Variants in SLC35F4 observed in about 807,000 individuals in gnomAD.
SLC35F4 encodes chromosome 14 open reading frame 36.
In SLC35F4, 24 loss-of-function variants were observed where a neutral mutation model predicts 44.2. The ratio of observed to expected loss-of-function variants is 0.54; its 90% CI spans 0.39 to 0.76. SLC35F4 has a LOEUF of 0.76. SLC35F4 is among the 30% of genes least tolerant of loss of function. The pLI is 0.00. For missense variants in SLC35F4, 562 were observed against 586.1 expected (o/e 0.96, Z 0.42); for synonymous variants, 238 against 223.6 (o/e 1.06, Z -0.57).
chr14:57,638,649 G>T (rs565635656), intron 1 of SLC35F4, among the ~76,000 whole-genome samples: 44 of 152,222 alleles, frequency 2.9e-4, no homozygotes, highest in African/African-American at 1.0e-3. Context: ...CAGTCGACAT[G>T]TGTTTTATAG....
intron 1 of SLC35F4, among the ~76,000 whole-genome samples, chr14:57,698,692 C>A (rs1297009875): frequency 6.7e-6 from 1 of 150,210 alleles, no homozygotes; most frequent in Non-Finnish European, 1.5e-5. Context: ...GGCTGGAGTG[C>A]AGTGGCATGA....
chr14:57,969,239 C>G (rs772652169), intron 1 of SLC35F4, among the ~76,000 whole-genome samples: 4 of 152,138 alleles, frequency 2.6e-5, no homozygotes, highest in Non-Finnish European at 4.4e-5. Flanking sequence ...AAAGGTTTTA[C>G]CACAACCTTA....
In SLC35F4 at chr14:57,648,561, A is replaced by G. The variant is rs75863126; in HGVS notation, c.104-54437T>C. On this transcript the variant is annotated intron_variant, in intron 1 of 7. Transcript: ENST00000556826. ...GCAGTGAATTACTAGTGGCTGTTTC[A>G]AGAATAAGCTTGAGAGGCTTCTCTG... Among the ~76,000 whole-genome samples, 707 of 152,306 alleles carry G rather than the reference A, an allele frequency of 4.6e-3. 13 individuals are homozygous for G. In the East Asian group the frequency reaches 0.07, roughly 15 times the overall value.
At chr14:57,624,070 A>C (rs1432995953) in intron 1 of SLC35F4, among the ~76,000 whole-genome samples, 1 of 152,200 alleles carries the variant, frequency 6.6e-6, no homozygotes, top group African/African-American at 2.4e-5. Context: ...AATAAAGAAG[A>C]AAAGAGAGGA....
intron 1 of SLC35F4, among the ~76,000 whole-genome samples, chr14:57,719,737 TA>T (rs2076036759): frequency 6.6e-6 from 1 of 152,188 alleles, no homozygotes; most frequent in African/African-American, 2.4e-5. Context: ...TTTCCAAATA[TA>T]AGATGGTAGC....
chr14:57,754,849 C>T (rs1289850910), intron 1 of SLC35F4, among the ~76,000 whole-genome samples: 7 of 152,226 alleles, frequency 4.6e-5, no homozygotes, highest in Non-Finnish European at 8.8e-5. Flanking sequence ...GACTGATCAG[C>T]AGTGTGTCCT....
chr14:57,739,970 C>T (rs145639135), intron 1 of SLC35F4, among the ~76,000 whole-genome samples: 5,360 of 152,218 alleles, frequency 0.035, 92 homozygotes, highest in Middle Eastern at 0.041. Flanking sequence ...AGCAATTCTC[C>T]TGCCTCAGCC....
intron 2 of SLC35F4, among the ~76,000 whole-genome samples, chr14:57,593,494 G>C (rs1167486555): frequency 6.6e-6 from 1 of 152,064 alleles, no homozygotes; most frequent in Non-Finnish European, 1.5e-5. Context: ...TATGAAACTG[G>C]GAATACTAAA....
intron 1 of SLC35F4, among the ~76,000 whole-genome samples, chr14:57,687,925 T>C (rs1381864850): frequency 1.3e-5 from 2 of 152,194 alleles, no homozygotes; most frequent in African/African-American, 4.8e-5. Flanking sequence ...CAGGTTAAAA[T>C]TGTGGTACTG....
At chr14:57,606,483 C>T (rs1431630608) in intron 1 of SLC35F4, among the ~76,000 whole-genome samples, 1 of 152,186 alleles carries the variant, frequency 6.6e-6, no homozygotes, top group Non-Finnish European at 1.5e-5. Flanking sequence ...GCTTGCTTCC[C>T]TGAAACACCC....
intron 1 of SLC35F4, among the ~76,000 whole-genome samples, chr14:57,740,230 C>A (rs954414347): frequency 2.0e-5 from 3 of 152,188 alleles, no homozygotes; most frequent in South Asian, 2.1e-4. Context: ...TATAAAAAAA[C>A]CACAGAACTC....
intron 1 of SLC35F4, among the ~76,000 whole-genome samples, chr14:57,606,700 C>T (rs2071185911): frequency 1.3e-5 from 2 of 152,198 alleles, no homozygotes; most frequent in African/African-American, 2.4e-5. Flanking sequence ...TTGGCAAATA[C>T]TCCTTTATGG....
intron 1 of SLC35F4, among the ~76,000 whole-genome samples, chr14:57,704,431 G>C (rs1323262841): frequency 6.6e-6 from 1 of 152,126 alleles, no homozygotes; most frequent in Non-Finnish European, 1.5e-5. Flanking sequence ...TCTGATGAAA[G>C]CTGGACTGTC....
rs74488811 is a variant in SLC35F4, at chr14:57,918,559, G to A, written n.282+63354C>T. On this transcript the variant is annotated intron_variant and non_coding_transcript_variant, in intron 1 of 1. Coordinates refer to the SLC35F4 transcript ENST00000556568. Reference sequence around the variant, plus strand: ...AGACCAGAAATTTGAAGTTGACATGGTCTTATAAAAATTTATTTACCATCT... The same window carrying A: ...AGACCAGAAATTTGAAGTTGACATGATCTTATAAAAATTTATTTACCATCT... Among the ~76,000 whole-genome samples, 8 of 152,234 alleles carry A rather than the reference G, an allele frequency of 5.3e-5. No individual in the cohort carries two copies. The East Asian group carries it at 1.5e-3, about 29-fold the overall frequency.
At chr14:57,907,655 C>T (rs904350461) in intron 1 of SLC35F4, among the ~76,000 whole-genome samples, 2 of 152,040 alleles carry the variant, frequency 1.3e-5, no homozygotes, top group African/African-American at 4.8e-5. Flanking sequence ...CTTTTGTATA[C>T]ATCTTTGGAC....
At chr14:57,749,872 T>C (rs564103352) in intron 1 of SLC35F4, among the ~76,000 whole-genome samples, 9 of 152,338 alleles carry the variant, frequency 5.9e-5, no homozygotes, top group Admixed American at 3.3e-4. Context: ...TGACTTGCAG[T>C]GGCCATCTCT....
intron 1 of SLC35F4, among the ~76,000 whole-genome samples, chr14:57,812,512 A>G (rs1392924063): frequency 6.6e-6 from 1 of 152,200 alleles, no homozygotes; most frequent in Non-Finnish European, 1.5e-5. Flanking sequence ...CTTTGGGAGT[A>G]TATGACAAAG....
chr14:57,686,997 T>C (rs2075087026), intron 1 of SLC35F4, among the ~76,000 whole-genome samples: 1 of 152,050 alleles, frequency 6.6e-6, no homozygotes, highest in African/African-American at 2.4e-5. Context: ...TAATTCAATA[T>C]AACTGGTGTC....
chr14:57,935,816 C>A (rs808229), intron 1 of SLC35F4, among the ~76,000 whole-genome samples: 38,215 of 152,034 alleles, frequency 0.25, 5,068 homozygotes, highest in Middle Eastern at 0.29. Context: ...AAATGCTTTG[C>A]ACTAGTTTGT....
Sources: gnomAD v4.1 joint callset for allele counts (sites outside exome capture counted in the v4.1 genomes callset) on GRCh38, gnomAD v4.1.1 for gene constraint, MANE v1.5 for transcripts, NCBI Gene and HGNC (gene_info 2026-07-23, HGNC 2026-07-21) for gene names.